The following KLF12 variants were observed in gnomAD, a reference collection of about 807,000 sequenced individuals.
KLF12 encodes KLF transcription factor 12.
Under a neutral mutation model 37.8 loss-of-function variants are expected in KLF12, and 9 were observed. The ratio of observed to expected loss-of-function variants is 0.24; its 90% CI spans 0.14 to 0.42. The LOEUF is 0.42. KLF12 is among the 10% of genes least tolerant of loss of function. The pLI is 1.00. For missense variants in KLF12, 411 were observed against 516.0 expected (o/e 0.80, Z 1.97); for synonymous variants, 208 against 202.1 (o/e 1.03, Z -0.25).
chr13:73,841,408 A>C (rs911937707), intron 4 of KLF12, among the ~76,000 whole-genome samples: 1 of 152,120 alleles, frequency 6.6e-6, no homozygotes, highest in African/African-American at 2.4e-5. Context: ...AGTTTTAAAA[A>C]ATTGCAAAAA....
intron 3 of KLF12, among the ~76,000 whole-genome samples, chr13:73,910,113 C>T (rs1488533750): frequency 1.3e-5 from 2 of 152,056 alleles, no homozygotes; most frequent in East Asian, 3.9e-4. Context: ...CCTTTTGATT[C>T]TTCATTTGTA....
chr13:73,990,973 T>C (rs1036129575), intron 2 of KLF12, among the ~76,000 whole-genome samples: 2 of 152,164 alleles, frequency 1.3e-5, no homozygotes, highest in African/African-American at 4.8e-5. Context: ...GGGCTTTGCA[T>C]GCTTTAATGG....
chr13:73,846,473 G>A lies in KLF12; in HGVS notation c.124-100C>T, dbSNP rs181760711. ...AACGTTTATTACTTTTTCTCTTATTGCTATGGGACATTTATTCGTTCTCCA... is the reference window on the plus strand; with the variant it reads ...AACGTTTATTACTTTTTCTCTTATTACTATGGGACATTTATTCGTTCTCCA... On this transcript the variant is annotated intron_variant, in intron 3 of 7. Coordinates refer to ENST00000377669, the MANE Select transcript of KLF12 (RefSeq NM_007249.5). 16 of 1,050,196 alleles carry A rather than the reference G, an allele frequency of 1.5e-5. No homozygotes were observed. The African/African-American group carries it at 2.6e-4, about 17-fold the overall frequency. 65.1% of individuals were successfully genotyped at this position (1,050,196 alleles called of 1,614,324 possible).
chr13:74,004,915 G>A (rs1892372052), intron 1 of KLF12, among the ~76,000 whole-genome samples: 1 of 149,588 alleles, frequency 6.7e-6, no homozygotes, highest in Non-Finnish European at 1.5e-5. Flanking sequence ...CCTCACCAAT[G>A]ATATCCAAAC....
At chr13:73,961,869 C>A in intron 2 of KLF12, 1 of 381,654 alleles carries the variant, frequency 2.6e-6, no homozygotes, top group East Asian at 8.3e-5. Context: ...GGATGTGGAG[C>A]AACAGGAACT....
chr13:73,778,824 C>A (rs1009687082), intron 5 of KLF12, among the ~76,000 whole-genome samples: 1 of 152,114 alleles, frequency 6.6e-6, no homozygotes, highest in Admixed American at 6.6e-5. Flanking sequence ...GAGGGACTAC[C>A]ATGCCACACT....
At chr13:73,973,785 G>GCACT (rs1368590737) in intron 2 of KLF12, among the ~76,000 whole-genome samples, 1 of 152,062 alleles carries the variant, frequency 6.6e-6, no homozygotes, top group Non-Finnish European at 1.5e-5. Flanking sequence ...GGAGGAAAAA[G>GCACT]CACTCACTCC....
chr13:73,832,874 G>C (rs923172441), intron 4 of KLF12, among the ~76,000 whole-genome samples: 5 of 152,158 alleles, frequency 3.3e-5, no homozygotes, highest in African/African-American at 9.7e-5. Context: ...AAAACAGCTT[G>C]CTATCTGCTA....
chr13:74,051,377 C>CAG (rs1421239083), intron 1 of KLF12, among the ~76,000 whole-genome samples: 1 of 150,736 alleles, frequency 6.6e-6, no homozygotes, highest in Non-Finnish European at 1.5e-5. Context: ...CACACACACA[C>CAG]AGTGGAATTC....
At chr13:74,218,173 A>G in the KLF12 span, among the ~76,000 whole-genome samples, 1 of 152,202 alleles carries the variant, frequency 6.6e-6, no homozygotes, top group South Asian at 2.1e-4. Flanking sequence ...TCCTCACCAG[A>G]ACTGAAAAGA....
At chr13:74,071,611 T>C (rs1593875562) in intron 1 of KLF12, among the ~76,000 whole-genome samples, 1 of 151,824 alleles carries the variant, frequency 6.6e-6, no homozygotes, top group African/African-American at 2.4e-5. Context: ...GAGAATGGCG[T>C]GAACTCGGGA....
intron 3 of KLF12, among the ~76,000 whole-genome samples, chr13:73,890,177 C>G (rs1330648627): frequency 6.6e-6 from 1 of 152,030 alleles, no homozygotes; most frequent in African/African-American, 2.4e-5. Flanking sequence ...TTTCTCCCAC[C>G]CAACACTGTA....
the KLF12 span, among the ~76,000 whole-genome samples, chr13:74,301,267 G>T: frequency 6.6e-6 from 1 of 152,092 alleles, no homozygotes; most frequent in African/African-American, 2.4e-5. Flanking sequence ...TGTGAACCCA[G>T]AAAAATCCCT....
At chr13:74,197,171 A>G in the KLF12 span, among the ~76,000 whole-genome samples, 1 of 152,222 alleles carries the variant, frequency 6.6e-6, no homozygotes, top group African/African-American at 2.4e-5. Flanking sequence ...AATAATAACT[A>G]GAATTATTCA....
At chr13:73,799,220 G>A (rs888540275) in intron 5 of KLF12, among the ~76,000 whole-genome samples, 1 of 152,040 alleles carries the variant, frequency 6.6e-6, no homozygotes, top group South Asian at 2.1e-4. Context: ...GAGAACTTAC[G>A]AACACAAAGA....
At chr13:73,935,612 T>A (rs950643046) in intron 3 of KLF12, among the ~76,000 whole-genome samples, 1 of 152,044 alleles carries the variant, frequency 6.6e-6, no homozygotes, top group Non-Finnish European at 1.5e-5. Flanking sequence ...AGCTCCCACT[T>A]TGCTTTCTGC....
chr13:74,071,950 T>C (rs182148176), intron 1 of KLF12, among the ~76,000 whole-genome samples: 2 of 152,180 alleles, frequency 1.3e-5, no homozygotes, highest in East Asian at 1.9e-4. Flanking sequence ...ATGAATAGCA[T>C]CTTCTAAATT....
chr13:73,799,496 A>C (rs1882172446), intron 5 of KLF12, among the ~76,000 whole-genome samples: 1 of 70,002 alleles, frequency 1.4e-5, no homozygotes, highest in African/African-American at 5.1e-5. Context: ...TTTTAATTCA[A>C]TAACTGTGGG....
intron 1 of KLF12, among the ~76,000 whole-genome samples, chr13:74,078,077 T>C (rs1251163648): frequency 6.6e-6 from 1 of 152,172 alleles, no homozygotes; most frequent in East Asian, 1.9e-4. Context: ...TGTTTGTTTG[T>C]TTAGTGGCTT....
Sources: gnomAD v4.1 joint callset for allele counts (sites outside exome capture counted in the v4.1 genomes callset) on GRCh38, gnomAD v4.1.1 for gene constraint, MANE v1.5 for transcripts, NCBI Gene and HGNC (gene_info 2026-07-23, HGNC 2026-07-21) for gene names.